The following RBM44 variants were observed in gnomAD, a reference collection of about 807,000 sequenced individuals.
RBM44 encodes the protein RNA-binding protein 44.
A neutral mutation model predicts 105.1 loss-of-function variants in RBM44; 66 were observed. The observed-to-expected ratio is 0.63, with a 90% CI of 0.52 to 0.77. RBM44 has a LOEUF of 0.77. Among genes scored for constraint, RBM44 ranks in the 30% least tolerant of loss-of-function variants. The pLI is 0.00. For missense variants in RBM44, 1,122 were observed against 1,207.8 expected (o/e 0.93, Z 1.05); for synonymous variants, 365 against 417.6 (o/e 0.87, Z 1.54).
intron 1 of RBM44, among the ~76,000 whole-genome samples, chr2:237,804,989 T>A (rs143336709): frequency 3.0e-4 from 46 of 152,316 alleles, no homozygotes; most frequent in Non-Finnish European, 6.0e-4. Flanking sequence ...CTGGAAGTCC[T>A]CGCCAGAGCA....
intron 10 of RBM44, among the ~76,000 whole-genome samples, chr2:237,825,641 G>C (rs998590474): frequency 2.0e-5 from 3 of 152,280 alleles, no homozygotes; most frequent in African/African-American, 7.2e-5. Context: ...GTGAGCTCAG[G>C]GATTTTTATG....
Position 237,841,772 on chromosome 2 carries a change from T to C in RBM44, c.*23-67T>C, listed in dbSNP as rs2062013733. The C allele has an allele frequency of 6.6e-6, 1 of 152,206 alleles. No individual in the cohort carries two copies. 9.4% of individuals were successfully genotyped at this position (152,206 alleles called of 1,614,324 possible). ...TAGTACCATTAGAAACAATCAAGTG[T>C]CTAGGAATGTACTTAACAAAAGATA... On this transcript the variant is annotated intron_variant, in intron 15 of 15. Coordinates refer to ENST00000316997, the MANE Select transcript of RBM44 (RefSeq NM_001080504.3). This position sits in a 1 kb window ranked among gnomAD's most constrained non-coding sequence, Gnocchi z 4.5.
At chr2:237,806,714 G>A (rs983625144) in intron 1 of RBM44, among the ~76,000 whole-genome samples, 4 of 152,182 alleles carry the variant, frequency 2.6e-5, no homozygotes, top group Admixed American at 2.0e-4. Context: ...AATCTGCAGG[G>A]GGACTCCCCC....
At chr2:237,820,853 A>G in intron 5 of RBM44, 1 of 409,396 alleles carries the variant, frequency 2.4e-6, no homozygotes, top group East Asian at 4.0e-5. Context: ...TTCAAGACCA[A>G]TGTGGGCAAC....
At chr2:237,820,795 C>A (rs2061778809) in intron 5 of RBM44, 6 of 309,420 alleles carry the variant, frequency 1.9e-5, no homozygotes, top group Non-Finnish European at 3.5e-5. Context: ...TGCCTGTAAT[C>A]CCAGCACTTT....
intron 1 of RBM44, among the ~76,000 whole-genome samples, chr2:237,808,606 A>G (rs2061623534): frequency 6.6e-6 from 1 of 152,182 alleles, no homozygotes; most frequent in African/African-American, 2.4e-5. Context: ...TGGAAGGTTA[A>G]ACTATCCAGA....
chr2:237,821,467 G>T, intron 7 of RBM44, 99 bp downstream of exon 7: 2 of 902,554 alleles, frequency 2.2e-6, no homozygotes, highest in Non-Finnish European at 3.4e-6. Context: ...TTAGAACATT[G>T]ATAAATGTTT....
intron 12 of RBM44, 89 bp downstream of exon 12, chr2:237,827,592 A>T (rs2061861105): frequency 1.3e-6 from 1 of 775,564 alleles, no homozygotes; most frequent in East Asian, 2.7e-5. Flanking sequence ...CAGTGGTGAT[A>T]AAGTCAAGGG....
At position 237,817,784 on chromosome 2, in the gene RBM44, A is replaced by G. The variant is rs376957843; in HGVS notation, c.865A>G (p.Met289Val). 15 of 1,611,374 alleles carry G rather than the reference A, an allele frequency of 9.3e-6. No individual in the cohort carries two copies. In the African/African-American group the frequency reaches 1.1e-4, roughly 11 times the overall value. ...GTATAAGGAACAAGAGACTAATTCA[A>G]TGTACCACACTGTATTTGATGGCAG... ...EKYKEQETNSMYHTVFDGSVL... is the reference protein window; with the variant it reads ...EKYKEQETNSVYHTVFDGSVL... Residue 289 changes from methionine to valine, a missense_variant, in exon 3 of 16, where the codon ATG (methionine) becomes GTG (valine). Transcript: ENST00000316997.
Position 237,818,907 on chromosome 2 carries a change from C to G in RBM44, c.1684C>G (p.Leu562Val). The change falls in exon 4 of 16, where the codon CTG becomes GTG. Residue 562 changes from leucine (L) to valine (V), a missense_variant. Coordinates refer to ENST00000316997, the MANE Select transcript of RBM44 (RefSeq NM_001080504.3). The surrounding 1 kb of genome is among the most constrained non-coding windows in gnomAD (Gnocchi z 4.6). ...TTTTAAATCATATTTTCAGGATTTC[C>G]TGGAATTAAGAAAAGCATGTGGTAT... ...PNGNFLNKDF[L>V]ELRKACGITD... 6.9e-7 allele frequency: 1 copy of G among 1,456,416 alleles called. No individual in the cohort carries two copies. 90.2% of individuals were successfully genotyped at this position (1,456,416 alleles called of 1,614,324 possible).
At position 237,818,669 on chromosome 2, in the gene RBM44, G is replaced by A. The variant is rs2061749758; in HGVS notation, c.1677+73G>A. ...AGTGTATGCTAATGTAAGTGTTTTTGGTTCGTTGAATTAAGGCTTTTGTGA... is the reference window on the plus strand; with the variant it reads ...AGTGTATGCTAATGTAAGTGTTTTTAGTTCGTTGAATTAAGGCTTTTGTGA... On this transcript the variant is annotated intron_variant, in intron 3 of 15. Transcript: ENST00000316997. The surrounding 1 kb of genome is among the most constrained non-coding windows in gnomAD (Gnocchi z 4.6). 2 of 1,102,228 alleles carry A rather than the reference G, an allele frequency of 1.8e-6. No homozygotes were observed. Among genetic ancestry groups the A allele is most frequent in the Non-Finnish European group, 2.5e-6 (2 of 798,300 alleles). 68.3% of individuals were successfully genotyped at this position (1,102,228 alleles called of 1,614,324 possible).
Position 237,815,443 on chromosome 2 carries a change from C to T in RBM44, c.74-1550C>T, listed in dbSNP as rs2061705103. Reference sequence around the variant, plus strand: ...CTTCACACAGTCCCTATCTCTTTAGCCCTGAATATTCCCATTCAACTATAG... The same window carrying T: ...CTTCACACAGTCCCTATCTCTTTAGTCCTGAATATTCCCATTCAACTATAG... On this transcript the variant is annotated intron_variant, in intron 2 of 15. Coordinates refer to ENST00000316997, the MANE Select transcript of RBM44 (RefSeq NM_001080504.3). Among the ~76,000 whole-genome samples the T allele has an allele frequency of 5.3e-5, 8 of 152,192 alleles. No homozygotes were observed. The South Asian group carries it at 1.7e-3, about 32-fold the overall frequency.
Position 237,817,481 on chromosome 2 carries a change from T to C in RBM44, c.562T>C (p.Tyr188His). The C allele has an allele frequency of 6.2e-7, 1 of 1,604,002 alleles. No homozygotes were observed. Among genetic ancestry groups the C allele is most frequent in the Non-Finnish European group, 8.5e-7 (1 of 1,174,458 alleles). The change falls in exon 3 of 16, where the codon TAT becomes CAT. Residue 188 changes from tyrosine (Y) to histidine (H), a missense_variant. Tyr to His is a moderately conservative substitution (Grantham distance 83). This residue lies in a region of RBM44 where 918 missense variants were observed against 955.3 expected (regional missense o/e 0.96). Coordinates refer to ENST00000316997, the MANE Select transcript of RBM44 (RefSeq NM_001080504.3). ...HDTDEDSQQE[Y>H]HSAEEQEYIS... ...TACAGATGAAGACTCACAGCAGGAA[T>C]ATCACAGTGCAGAAGAACAAGAATA...
intron 12 of RBM44, among the ~76,000 whole-genome samples, chr2:237,828,621 A>AT (rs1265765504): frequency 6.6e-6 from 1 of 152,098 alleles, no homozygotes; most frequent in African/African-American, 2.4e-5. Flanking sequence ...TCTTCCCGGG[A>AT]TTTGGTATAT....
chr2:237,813,619 A>G lies in RBM44; in HGVS notation c.10A>G (p.Thr4Ala). 6.2e-7 allele frequency: 1 copy of G among 1,605,492 alleles called. No individual in the cohort carries two copies. The highest frequency in any genetic ancestry group is 8.5e-7 in the Non-Finnish European group (1 of 1,172,456). Residue 4 changes from threonine to alanine, a missense_variant, in exon 2 of 16, where the codon ACT (threonine) becomes GCT (alanine). Thr to Ala is a moderately conservative substitution (Grantham distance 58, BLOSUM62 0). Transcript: ENST00000316997. Reference sequence around the variant, plus strand: ...TATATATCTTTGAATGATGCAGGCCACTGCAGTGGTGGAGACAGCATCTGG... The same window carrying G: ...TATATATCTTTGAATGATGCAGGCCGCTGCAGTGGTGGAGACAGCATCTGG... MQA[T>A]AVVETASGKG...
rs762999347 is a variant in RBM44, at chr2:237,820,275, G to A, written c.1837G>A (p.Val613Ile). 4.4e-6 allele frequency: 7 copies of A among 1,603,774 alleles called. No individual in the cohort carries two copies. Among genetic ancestry groups the A allele is most frequent in the East Asian group, 2.2e-5 (1 of 44,534 alleles). Reference sequence around the variant, plus strand: ...AAAAGCAGAGCTGCACCTTTTAAATGTTCACTATCAGATGTGTCGTCGCCA... The same window carrying A: ...AAAAGCAGAGCTGCACCTTTTAAATATTCACTATCAGATGTGTCGTCGCCA... ...AIKAELHLLNVHYQMCRRHCC... is the reference protein window; with the variant it reads ...AIKAELHLLNIHYQMCRRHCC... Residue 613 changes from valine (V) to isoleucine (I), a missense_variant, in exon 5 of 16, where the codon GTT becomes ATT. This residue lies in a region of RBM44 where 918 missense variants were observed against 955.3 expected (regional missense o/e 0.96). Coordinates refer to ENST00000316997, the MANE Select transcript of RBM44 (RefSeq NM_001080504.3).
chr2:237,837,607 C>T (rs752468821), intron 15 of RBM44, among the ~76,000 whole-genome samples: 1 of 152,160 alleles, frequency 6.6e-6, no homozygotes, highest in Non-Finnish European at 1.5e-5. Context: ...GCTGCAACCT[C>T]ATGATAAAAT....
chr2:237,840,865 A>G (rs1035075000), intron 15 of RBM44, among the ~76,000 whole-genome samples: 3 of 152,226 alleles, frequency 2.0e-5, no homozygotes, highest in South Asian at 2.1e-4. Context: ...CAAAACCACA[A>G]GATACCATCT....
rs548608401 is a variant in RBM44 at position 237,839,594 on chromosome 2, T to C, written c.*23-2245T>C. The stretch of plus-strand genomic sequence containing the variant: ...CCTAAAAGAACAATTTTCAAAAGCA[T>C]GCAGAAAGTGAAGTTGGACCTTTAC... On this transcript the variant is annotated intron_variant, in intron 15 of 15. Coordinates refer to ENST00000316997, the MANE Select transcript of RBM44 (RefSeq NM_001080504.3). Among the ~76,000 whole-genome samples the C allele has an allele frequency of 3.3e-5, 5 of 152,228 alleles. No homozygotes were observed. In the South Asian group the frequency reaches 1.0e-3, roughly 32 times the overall value.
Sources: gnomAD v4.1 joint callset for allele counts (sites outside exome capture counted in the v4.1 genomes callset) on GRCh38, gnomAD v4.1.1 for gene constraint, gnomAD v4.1.1 regional missense constraint, Gnocchi (gnomAD v3.1) non-coding constraint, MANE v1.5 for transcripts, NCBI Gene and HGNC (gene_info 2026-07-23, HGNC 2026-07-21) for gene names.